The following RANBP2 variants were observed in gnomAD, a reference collection of about 807,000 sequenced individuals.
The protein encoded by RANBP2 is RAN binding protein 2.
A neutral mutation model predicts 303.6 loss-of-function variants in RANBP2; 57 were observed. The observed-to-expected ratio is 0.19, with a 90% CI of 0.15 to 0.23. The LOEUF is 0.23. Ranked by LOEUF, RANBP2 falls within the 10% of genes least tolerant of loss-of-function variation. The probability of loss-of-function intolerance (pLI) is 1.00; values close to 1 mark genes in which losing one functional copy is unlikely to be tolerated. For missense variants in RANBP2, 3,138 were observed against 3,780.8 expected, an observed-to-expected ratio of 0.83 and a Z score of 4.46; for synonymous variants, 1,167 against 1,301.5, an observed-to-expected ratio of 0.90 and a Z score of 2.23.
the RANBP2 span, among the ~76,000 whole-genome samples, chr2:109,351,469 A>T: frequency 6.6e-6 from 1 of 152,174 alleles, no homozygotes; most frequent in Non-Finnish European, 1.5e-5. Flanking sequence ...TGAGCAGCTA[A>T]CTCTATATTG....
At chr2:109,606,575 G>A in the RANBP2 span, among the ~76,000 whole-genome samples, 1 of 149,424 alleles carries the variant, frequency 6.7e-6, no homozygotes, top group Admixed American at 6.7e-5. Context: ...TTTATTACCT[G>A]CAAAGATCTT....
the RANBP2 span, chr2:108,816,054 A>G: frequency 2.2e-5 from 36 of 1,613,492 alleles, no homozygotes; most frequent in Admixed American, 1.2e-4. Context: ...GTAAAAAACC[A>G]CAACTCAAAT....
At chr2:109,493,742 GAC>G in the RANBP2 span, among the ~76,000 whole-genome samples, 1 of 150,886 alleles carries the variant, frequency 6.6e-6, no homozygotes, top group Non-Finnish European at 1.5e-5. Flanking sequence ...ACATTATGCA[GAC>G]ACACACACTG....
chr2:109,235,237 C>A, the RANBP2 span, among the ~76,000 whole-genome samples: 6 of 152,164 alleles, frequency 3.9e-5, no homozygotes, highest in African/African-American at 1.4e-4. Flanking sequence ...AATAGATCAA[C>A]CCTGAATAGT....
At chr2:109,157,969 T>G in the RANBP2 span, among the ~76,000 whole-genome samples, 1 of 152,166 alleles carries the variant, frequency 6.6e-6, no homozygotes, top group African/African-American at 2.4e-5. Flanking sequence ...AGGGAGTACT[T>G]GCCTTACTAG....
At chr2:108,900,765 C>T in the RANBP2 span, among the ~76,000 whole-genome samples, 2 of 152,214 alleles carry the variant, frequency 1.3e-5, no homozygotes, top group Non-Finnish European at 2.9e-5. Flanking sequence ...GTGGCTATAA[C>T]ATCAGTTAAA....
the RANBP2 span, among the ~76,000 whole-genome samples, chr2:109,486,553 C>A: frequency 2.0e-5 from 3 of 152,202 alleles, no homozygotes; most frequent in African/African-American, 7.2e-5. Flanking sequence ...TGATGAGATG[C>A]ATTAGTCCTT....
chr2:109,236,266 T>G, the RANBP2 span, among the ~76,000 whole-genome samples: 1 of 152,188 alleles, frequency 6.6e-6, no homozygotes, highest in Non-Finnish European at 1.5e-5. Flanking sequence ...CAAATTCCCC[T>G]CGGTCCTAAA....
chr2:109,173,186 G>A, the RANBP2 span, among the ~76,000 whole-genome samples: 5 of 151,898 alleles, frequency 3.3e-5, no homozygotes, highest in African/African-American at 7.3e-5. Flanking sequence ...CATGGAAATC[G>A]AACACAGACT....
chr2:108,822,189 G>A, the RANBP2 span, among the ~76,000 whole-genome samples: 1 of 152,088 alleles, frequency 6.6e-6, no homozygotes, highest in South Asian at 2.1e-4. Flanking sequence ...TATACTTTAC[G>A]TCAAAAACTG....
At chr2:108,746,208 C>CTTTTTTTTT (rs35544546) in intron 7 of RANBP2, among the ~76,000 whole-genome samples, 2 of 90,564 alleles carry the variant, frequency 2.2e-5, no homozygotes, top group African/African-American at 1.1e-4. Context: ...ATGTCTGGCC[C>CTTTTTTTTT]TTTTTTTTTT....
At chr2:109,560,688 C>T in the RANBP2 span, among the ~76,000 whole-genome samples, 24 of 152,190 alleles carry the variant, frequency 1.6e-4, 1 homozygote. Flanking sequence ...CTGTGACCTC[C>T]ATTGTGCCTA....
chr2:109,473,700 G>A, the RANBP2 span, among the ~76,000 whole-genome samples: 1 of 151,902 alleles, frequency 6.6e-6, no homozygotes, highest in Non-Finnish European at 1.5e-5. Context: ...CTGCTGCCGT[G>A]CCCAGCTCAC....
chr2:109,237,993 G>A, the RANBP2 span, among the ~76,000 whole-genome samples: 1 of 152,110 alleles, frequency 6.6e-6, no homozygotes, highest in South Asian at 2.1e-4. Context: ...AGCACTTGAG[G>A]TCAGGAGTTC....
At chr2:108,807,713 A>G in the RANBP2 span, among the ~76,000 whole-genome samples, 2 of 151,878 alleles carry the variant, frequency 1.3e-5, no homozygotes, top group Non-Finnish European at 2.9e-5. Context: ...TGCCTTCTGG[A>G]CTCAAGCGAT....
chr2:109,589,268 C>T, the RANBP2 span, among the ~76,000 whole-genome samples: 2 of 152,098 alleles, frequency 1.3e-5, no homozygotes, highest in Non-Finnish European at 2.9e-5. Flanking sequence ...TGCGGTGGCT[C>T]ATGCCTATAA....
chr2:109,599,184 G>A, the RANBP2 span, among the ~76,000 whole-genome samples: 188 of 152,254 alleles, frequency 1.2e-3, 1 homozygote, highest in African/African-American at 3.9e-3. Context: ...GAGGCCGGGC[G>A]CGGTGGCTCA....
chr2:109,633,511 A>C, the RANBP2 span, among the ~76,000 whole-genome samples: 4,099 of 152,258 alleles, frequency 0.027, 137 homozygotes, highest in East Asian at 0.12. Flanking sequence ...TGAGGCGCCC[A>C]GGGAAGCAGC....
the RANBP2 span, among the ~76,000 whole-genome samples, chr2:108,932,782 C>T: frequency 6.6e-6 from 1 of 152,148 alleles, no homozygotes; most frequent in Non-Finnish European, 1.5e-5. Flanking sequence ...GTTTTTAACA[C>T]ATAAACCGTG....
Sources: allele counts gnomAD v4.1 joint callset (sites outside exome capture counted in the v4.1 genomes callset), GRCh38; gene constraint gnomAD v4.1.1; transcripts MANE v1.5; gene names NCBI Gene and HGNC (gene_info 2026-07-23, HGNC 2026-07-21).